TNNI3K: variants seen among roughly 807,000 people sequenced by gnomAD.
TNNI3K encodes the protein TNNI3 interacting kinase, also known as serine/threonine-protein kinase TNNI3K.
In TNNI3K, 140 loss-of-function variants were observed where a neutral mutation model predicts 114.5. That is an observed-to-expected ratio of 1.22 (90% CI 1.07 to 1.41). The LOEUF (loss-of-function observed/expected upper bound fraction) is 1.41. TNNI3K is among the 40% of genes most tolerant of loss of function. The probability of loss-of-function intolerance (pLI) is 0.00; values close to 1 mark genes in which losing one functional copy is unlikely to be tolerated. For synonymous variants in TNNI3K, 347 were observed against 347.5 expected (o/e 1.00, Z 0.02); for missense variants, 1,125 against 1,007.6 (o/e 1.12, Z -1.58).
chr1:74,524,612 G>A (rs1646477985), intron 23 of TNNI3K, among the ~76,000 whole-genome samples: 1 of 152,158 alleles, frequency 6.6e-6, no homozygotes, highest in South Asian at 2.1e-4. Context: ...TTAATCTAAT[G>A]TATTCATTCA....
chr1:74,283,418 A>T (rs1462816297), intron 5 of TNNI3K, among the ~76,000 whole-genome samples: 1 of 152,214 alleles, frequency 6.6e-6, no homozygotes, highest in Non-Finnish European at 1.5e-5. Context: ...TGTAAGGAGT[A>T]ATATAAAAGG....
intron 5 of TNNI3K, among the ~76,000 whole-genome samples, chr1:74,322,037 G>A (rs972702100): frequency 4.6e-5 from 7 of 152,122 alleles, no homozygotes; most frequent in Non-Finnish European, 7.4e-5. Context: ...AAAAAAGGGC[G>A]TGGTAACTCT....
intron 23 of TNNI3K, among the ~76,000 whole-genome samples, chr1:74,510,540 G>A (rs755627073): frequency 1.8e-4 from 28 of 152,022 alleles, no homozygotes; most frequent in Non-Finnish European, 3.7e-4. Context: ...AAATTATTGA[G>A]AGATTGTCAA....
chr1:74,456,620 A>G (rs1245873429), intron 20 of TNNI3K, among the ~76,000 whole-genome samples: 1 of 152,154 alleles, frequency 6.6e-6, no homozygotes, highest in Non-Finnish European at 1.5e-5. Flanking sequence ...GATCACTTTC[A>G]AATTATAGTC....
intron 17 of TNNI3K, chr1:74,372,820 A>G (rs868213284): frequency 6.6e-6 from 1 of 151,916 alleles, no homozygotes; most frequent in Non-Finnish European, 1.5e-5. Flanking sequence ...AGGCAGGACC[A>G]AAAATATAAA....
At position 74,436,099 on chromosome 1, in the gene TNNI3K, G is replaced by A. The variant is rs1666114784; in HGVS notation, c.1792G>A (p.Glu598Lys). ...DLNSHNILLY[E>K]DGHAVVADFG... ...TTACAGTCACAATATTCTTCTCTAT[G>A]AGGATGGGCATGCTGTGGTGGCAGA... Residue 598 changes from glutamate to lysine, a missense_variant, in exon 18 of 25, where the codon GAG becomes AAG. Coordinates refer to ENST00000326637, the MANE Select transcript of TNNI3K (RefSeq NM_015978.3). The A allele has an allele frequency of 2.2e-5, 35 of 1,585,972 alleles. No individual in the cohort carries two copies. Among genetic ancestry groups the A allele is most frequent in the Non-Finnish European group, 2.9e-5 (34 of 1,166,628 alleles).
chr1:74,242,797 T>TA (rs1412146318), intron 2 of TNNI3K, among the ~76,000 whole-genome samples: 1 of 152,186 alleles, frequency 6.6e-6, no homozygotes, highest in African/African-American at 2.4e-5. Context: ...ACCATAATTT[T>TA]ACAGGAATAT....
At chr1:74,444,152 T>C (rs1238015439) in intron 20 of TNNI3K, among the ~76,000 whole-genome samples, 1 of 152,208 alleles carries the variant, frequency 6.6e-6, no homozygotes, top group Non-Finnish European at 1.5e-5. Context: ...TTGGAAGTTC[T>C]GGCCAGAACA....
intron 24 of TNNI3K, among the ~76,000 whole-genome samples, chr1:74,540,910 A>T (rs1375582503): frequency 6.6e-6 from 1 of 152,194 alleles, no homozygotes; most frequent in African/African-American, 2.4e-5. Context: ...CTTTGAAATA[A>T]TTAACAAAGT....
chr1:74,353,139 A>T (rs143895180), intron 9 of TNNI3K, 127 bp from the exon 10 acceptor site: 1 of 961,392 alleles, frequency 1.0e-6, no homozygotes, highest in South Asian at 1.7e-5. Flanking sequence ...CCCTAAATAC[A>T]GTCTCATTGT....
chr1:74,260,843 C>G (rs1321390340), intron 4 of TNNI3K, among the ~76,000 whole-genome samples: 1 of 152,018 alleles, frequency 6.6e-6, no homozygotes, highest in Non-Finnish European at 1.5e-5. Context: ...AAAATTAGCA[C>G]TCCCAAACAC....
At chr1:74,262,767 T>C (rs1655755966) in intron 4 of TNNI3K, among the ~76,000 whole-genome samples, 1 of 152,102 alleles carries the variant, frequency 6.6e-6, no homozygotes, top group African/African-American at 2.4e-5. Flanking sequence ...ACATTCTCAA[T>C]AAAAAGTTAA....
At chr1:74,479,613 T>C (rs1288445814) in intron 21 of TNNI3K, among the ~76,000 whole-genome samples, 3 of 152,188 alleles carry the variant, frequency 2.0e-5, no homozygotes, top group Admixed American at 6.5e-5. Flanking sequence ...TACTATGCCA[T>C]ACAAACACTG....
At chr1:74,493,372 C>T (rs796848251) in intron 23 of TNNI3K, among the ~76,000 whole-genome samples, 8 of 152,020 alleles carry the variant, frequency 5.3e-5, no homozygotes, top group African/African-American at 1.9e-4. Flanking sequence ...AACTTTACCT[C>T]GATGAAAACA....
At chr1:74,256,233 A>C (rs1655286967) in intron 4 of TNNI3K, among the ~76,000 whole-genome samples, 1 of 141,270 alleles carries the variant, frequency 7.1e-6, no homozygotes, top group African/African-American at 2.6e-5. Context: ...TCAGCAAGGT[A>C]TGAGAGCTGT....
chr1:74,376,293 A>G (rs1662901204), intron 17 of TNNI3K, among the ~76,000 whole-genome samples: 1 of 152,034 alleles, frequency 6.6e-6, no homozygotes, highest in Admixed American at 6.6e-5. Context: ...CACAACAATT[A>G]AGTAAAATAA....
chr1:74,252,675 C>A (rs1056855262), intron 4 of TNNI3K, among the ~76,000 whole-genome samples: 1 of 152,048 alleles, frequency 6.6e-6, no homozygotes, highest in Admixed American at 6.5e-5. Context: ...AAGCTGCAGA[C>A]CCTCGCAGTG....
intron 11 of TNNI3K, among the ~76,000 whole-genome samples, chr1:74,365,713 A>G (rs1325562382): frequency 6.6e-6 from 1 of 152,014 alleles, no homozygotes; most frequent in East Asian, 1.9e-4. Flanking sequence ...TTTGTTGGCT[A>G]ATGTCCTTAA....
chr1:74,246,579 G>GA lies in TNNI3K; in HGVS notation c.150-2871dup, dbSNP rs557985364. Among the ~76,000 whole-genome samples the GA allele has an allele frequency of 2.9e-4, 43 of 150,416 alleles. 1 individual carries two copies. The highest frequency in any genetic ancestry group is 2.1e-3 in the South Asian group (10 of 4,776). On this transcript the variant is annotated intron_variant, in intron 2 of 24. Transcript: ENST00000326637. Reference sequence around the variant, plus strand: ...AATGAAACACACTATAAAACCACAAGAAAAAAAAACAAAGTATTGGACTGG... The same window carrying GA: ...AATGAAACACACTATAAAACCACAAGAAAAAAAAAACAAAGTATTGGACTGG...
Sources: gnomAD v4.1 joint callset for allele counts (sites outside exome capture counted in the v4.1 genomes callset) on GRCh38, gnomAD v4.1.1 for gene constraint, MANE v1.5 for transcripts, NCBI Gene and HGNC (gene_info 2026-07-23, HGNC 2026-07-21) for gene names.